The following DIAPH2 variants were observed in gnomAD, a reference collection of about 807,000 sequenced individuals.
DIAPH2 encodes the protein protein diaphanous homolog 2.
In DIAPH2, 35 loss-of-function variants were observed where a neutral mutation model predicts 92.7. That is an observed-to-expected ratio of 0.38 (90% CI 0.29 to 0.50). The LOEUF (loss-of-function observed/expected upper bound fraction) is 0.50, where lower values mean the gene tolerates loss of function less well. Among genes scored for constraint, DIAPH2 ranks in the 20% least tolerant of loss-of-function variants. DIAPH2 has a pLI of 0.94. For missense variants in DIAPH2, 701 were observed against 819.5 expected, an observed-to-expected ratio of 0.86 and a Z score of 1.77; for synonymous variants, 301 against 280.4, an observed-to-expected ratio of 1.07 and a Z score of -0.73.
chrX:97,194,345 G>A (rs12834076), intron 22 of DIAPH2, among the ~76,000 whole-genome samples: 43,472 of 103,676 alleles, frequency 0.42, 8,418 homozygotes, highest in Non-Finnish European at 0.58. Context: ...GCAGTGGCGT[G>A]ATCTTGGCTC....
rs1471077025 is a variant in DIAPH2 at position 97,265,511 on chromosome X, G to A, written c.2844+17672G>A. 4.5e-5 allele frequency among the ~76,000 whole-genome samples: 5 copies of A among 111,749 alleles called. No homozygotes were observed. The East Asian group carries it at 1.4e-3, about 31-fold the overall frequency. ...CAGGTTATGTGATGGTGACTGGGGAGCCACTTTAGGTTAGGAGGGCCTTTT... is the reference window on the plus strand; with the variant it reads ...CAGGTTATGTGATGGTGACTGGGGAACCACTTTAGGTTAGGAGGGCCTTTT... On this transcript the variant is annotated intron_variant, in intron 23 of 26. Transcript: ENST00000324765.
intron 22 of DIAPH2, among the ~76,000 whole-genome samples, chrX:97,186,575 G>A (rs967444071): frequency 8.9e-6 from 1 of 112,231 alleles, no homozygotes; most frequent in Non-Finnish European, 1.9e-5. Flanking sequence ...TTTTTAGCAT[G>A]ATGATTTATA....
intron 10 of DIAPH2, among the ~76,000 whole-genome samples, chrX:96,932,337 T>G (rs746295286): frequency 1.1e-4 from 12 of 111,518 alleles, no homozygotes; most frequent in Non-Finnish European, 2.3e-4. Context: ...ACTTTCTGCT[T>G]TATACTACTG....
intron 22 of DIAPH2, among the ~76,000 whole-genome samples, chrX:97,181,510 C>G (rs1186694281): frequency 8.9e-6 from 1 of 112,045 alleles, no homozygotes; most frequent in African/African-American, 3.2e-5. Context: ...CTCCCAGGTT[C>G]AAGCCATTCT....
chrX:96,810,177 C>G (rs1206677506), intron 4 of DIAPH2, among the ~76,000 whole-genome samples: 1 of 112,170 alleles, frequency 8.9e-6, no homozygotes, highest in African/African-American at 3.2e-5. Flanking sequence ...TCTCTAGCAT[C>G]TGTTGTTTCC....
chrX:96,789,047 C>G (rs894192950), intron 4 of DIAPH2, among the ~76,000 whole-genome samples: 1 of 112,362 alleles, frequency 8.9e-6, no homozygotes, highest in Non-Finnish European at 1.9e-5. Context: ...TATCATTTCA[C>G]TAATGGCGAA....
intron 4 of DIAPH2, among the ~76,000 whole-genome samples, chrX:96,852,421 A>G (rs1041742280): frequency 1.8e-5 from 2 of 112,335 alleles, no homozygotes; most frequent in Non-Finnish European, 3.8e-5. Flanking sequence ...CACAGTTTCT[A>G]TGAGGTTTTA....
intron 5 of DIAPH2, among the ~76,000 whole-genome samples, chrX:96,889,750 T>G (rs1012566096): frequency 2.7e-5 from 3 of 111,469 alleles, no homozygotes; most frequent in Admixed American, 1.9e-4. Context: ...AGTGAAAGCC[T>G]CCCTGACTTT....
intron 4 of DIAPH2, among the ~76,000 whole-genome samples, chrX:96,828,688 T>C (rs187351773): frequency 1.8e-5 from 2 of 112,199 alleles, no homozygotes; most frequent in South Asian, 3.7e-4. Flanking sequence ...TTGGATGTTA[T>C]AAAATTTTTA....
At chrX:97,247,880 CTCTATG>C in intron 23 of DIAPH2, 41 bp downstream of exon 23, 1 of 1,144,584 alleles carries the variant, frequency 8.7e-7, no homozygotes, top group Non-Finnish European at 1.2e-6. Context: ...AGTTTTTAGT[CTCTATG>C]TCTGTCTGTT....
intron 24 of DIAPH2, among the ~76,000 whole-genome samples, chrX:97,363,098 T>G (rs2069341016): frequency 8.9e-6 from 1 of 112,482 alleles, no homozygotes; most frequent in African/African-American, 3.2e-5. Flanking sequence ...TGCCAAGGGC[T>G]TTATTGTTTC....
intron 26 of DIAPH2, among the ~76,000 whole-genome samples, chrX:97,598,031 C>T (rs1392963884): frequency 9.0e-6 from 1 of 111,222 alleles, no homozygotes; most frequent in Non-Finnish European, 1.9e-5. Context: ...TTGCTGACCA[C>T]AGACTACCGG....
intron 23 of DIAPH2, among the ~76,000 whole-genome samples, chrX:97,337,159 A>T (rs2069070818): frequency 9.5e-6 from 1 of 105,248 alleles, no homozygotes. Context: ...AACAAGATCT[A>T]CTCTTTAGGT....
intron 26 of DIAPH2, among the ~76,000 whole-genome samples, chrX:97,584,057 A>T (rs970782256): frequency 3.6e-5 from 4 of 112,077 alleles, no homozygotes; most frequent in African/African-American, 1.3e-4. Context: ...GCACCCACTG[A>T]CCTGCGCCCA....
At chrX:97,372,012 GATAA>G (rs1383364342) in intron 24 of DIAPH2, among the ~76,000 whole-genome samples, 2 of 112,480 alleles carry the variant, frequency 1.8e-5, no homozygotes, top group Non-Finnish European at 3.7e-5. Flanking sequence ...TCCAGATGGA[GATAA>G]ATATTCTCAA....
chrX:96,723,270 T>C (rs2063999702), intron 1 of DIAPH2, among the ~76,000 whole-genome samples: 1 of 111,878 alleles, frequency 8.9e-6, no homozygotes, highest in African/African-American at 3.2e-5. Context: ...GGAATTTAGA[T>C]GCCAGGATAA....
chrX:96,864,272 A>G (rs2065090441), intron 4 of DIAPH2, among the ~76,000 whole-genome samples: 1 of 104,942 alleles, frequency 9.5e-6, no homozygotes, highest in South Asian at 4.7e-4. Flanking sequence ...GTCAAAAATA[A>G]GTCATACTTT....
intron 24 of DIAPH2, among the ~76,000 whole-genome samples, chrX:97,381,738 T>A (rs2069551699): frequency 8.9e-6 from 1 of 111,801 alleles, no homozygotes; most frequent in South Asian, 3.7e-4. Context: ...CTAAATTTCA[T>A]GTATAAAATG....
In DIAPH2 at chrX:97,226,064, G is replaced by A. The variant is rs143362895; in HGVS notation, c.2720-21651G>A. Among the ~76,000 whole-genome samples the A allele has an allele frequency of 5.9e-3, 658 of 111,403 alleles. 8 individuals carry two copies. Among genetic ancestry groups the A allele is most frequent in the African/African-American group, 0.02 (626 of 30,657 alleles). ...AGGATAAGAGACTCAGATCCTTATGGTGCAGGGCAGACTATAGATTTTTTA... is the reference window on the plus strand; with the variant it reads ...AGGATAAGAGACTCAGATCCTTATGATGCAGGGCAGACTATAGATTTTTTA... On this transcript the variant is annotated intron_variant, in intron 22 of 26. Coordinates refer to ENST00000324765, the MANE Select transcript of DIAPH2 (RefSeq NM_006729.5).
Sources: gnomAD v4.1 joint callset for allele counts (sites outside exome capture counted in the v4.1 genomes callset) on GRCh38, gnomAD v4.1.1 for gene constraint, MANE v1.5 for transcripts, NCBI Gene and HGNC (gene_info 2026-07-23, HGNC 2026-07-21) for gene names.